NCAM1: variants seen among roughly 807,000 people sequenced by gnomAD.
NCAM1 encodes the protein antigen recognized by monoclonal antibody 5.1H11.
NCAM1 carries 14 observed loss-of-function variants against 109.8 expected under a neutral mutation model. That is an observed-to-expected ratio of 0.13 (90% CI 0.08 to 0.20). The LOEUF (loss-of-function observed/expected upper bound fraction) is 0.20, where lower values mean the gene tolerates loss of function less well. Among genes scored for constraint, NCAM1 ranks in the 10% least tolerant of loss-of-function variants. The pLI, the probability that NCAM1 is intolerant of heterozygous loss-of-function variation, is 1.00. For missense variants in NCAM1, 774 were observed against 1,109.9 expected (o/e 0.70, Z 4.30); for synonymous variants, 418 against 442.9 (o/e 0.94, Z 0.70).
intron 2 of NCAM1, among the ~76,000 whole-genome samples, chr11:113,203,383 T>C (rs1944132896): frequency 1.3e-5 from 2 of 152,214 alleles, no homozygotes; most frequent in African/African-American, 2.4e-5. Context: ...ATTGAAAACA[T>C]GATGGGCCCT....
intron 16 of NCAM1, among the ~76,000 whole-genome samples, chr11:113,257,028 C>G (rs1945851153): frequency 6.6e-6 from 1 of 152,320 alleles, no homozygotes; most frequent in Middle Eastern, 3.4e-3. Context: ...GCACAGAGCC[C>G]CGCAGGCATA....
At chr11:113,242,189 A>T (rs1356260015) in intron 14 of NCAM1, among the ~76,000 whole-genome samples, 2 of 152,254 alleles carry the variant, frequency 1.3e-5, no homozygotes, top group African/African-American at 4.8e-5. Context: ...AACACAAAAC[A>T]TACTGCTCAG....
At chr11:113,163,870 T>A (rs1162769646) in intron 1 of NCAM1, among the ~76,000 whole-genome samples, 3 of 151,842 alleles carry the variant, frequency 2.0e-5, no homozygotes, top group Admixed American at 6.6e-5. Context: ...GAGTATGCAG[T>A]GAAGGGGAGA....
rs941603935 is a variant in NCAM1, at chr11:113,276,578, C to G, written c.*1191C>G. The G allele has an allele frequency of 6.6e-6, 1 of 152,560 alleles. No individual in the cohort carries two copies. Among genetic ancestry groups the G allele is most frequent in the African/African-American group, 2.4e-5 (1 of 41,410 alleles). The allele number at this position is 152,560 out of a possible 1,614,324, so 9.5% of individuals were successfully genotyped here. A position where few individuals can be genotyped will look rare whatever the true frequency, so the allele number is the denominator to read the frequency against. On this transcript the variant is annotated 3_prime_UTR_variant, in exon 20 of 20. Coordinates refer to ENST00000316851, the MANE Select transcript of NCAM1 (RefSeq NM_181351.5). ...CACACATCCCCTTTGTGTAGAAAGC[C>G]AAATAAAATCTATACATACCATTTC...
At chr11:113,170,063 T>G (rs1184431588) in intron 1 of NCAM1, among the ~76,000 whole-genome samples, 6 of 152,184 alleles carry the variant, frequency 3.9e-5, no homozygotes, top group African/African-American at 1.4e-4. Context: ...TTCTTGCAAA[T>G]TATATTTATA....
At chr11:113,185,079 T>TATATATATATATAGAGAGAGAGAG in intron 1 of NCAM1, among the ~76,000 whole-genome samples, 156 of 125,650 alleles carry the variant, frequency 1.2e-3, no homozygotes, top group Non-Finnish European at 1.9e-3. Context: ...TATATATATA[T>TATATATATATATAGAGAGAGAGAG]AGAGAGAGAG....
chr11:113,240,973 T>A (rs1197071378), intron 14 of NCAM1: 1 of 867,696 alleles, frequency 1.2e-6, no homozygotes, highest in East Asian at 2.4e-5. Context: ...AGAGGAGCAG[T>A]TGAGAAGAGA....
At chr11:113,242,246 A>T (rs1945349854) in intron 14 of NCAM1, among the ~76,000 whole-genome samples, 1 of 152,262 alleles carries the variant, frequency 6.6e-6, no homozygotes, top group South Asian at 2.1e-4. Flanking sequence ...GAGTTATGTT[A>T]TCTCTTGCTG....
intron 7 of NCAM1, among the ~76,000 whole-genome samples, chr11:113,210,770 TCACAAACA>T (rs1309687917): frequency 8.6e-5 from 7 of 81,530 alleles, no homozygotes; most frequent in African/African-American, 1.8e-4. Context: ...CCCCTCTTCA[TCACAAACA>T]CACACACACA....
intron 1 of NCAM1, among the ~76,000 whole-genome samples, chr11:113,167,163 A>G (rs1942831336): frequency 6.6e-6 from 1 of 152,250 alleles, no homozygotes. Context: ...CCGATCTGCC[A>G]GTGTGAAGAA....
In NCAM1 at chr11:113,275,356, C is replaced by T. The variant is rs1555126362; in HGVS notation, c.2546C>T (p.Thr849Ile). The T allele has an allele frequency of 6.2e-7, 1 of 1,613,292 alleles. No individual in the cohort carries two copies. Among genetic ancestry groups the T allele is most frequent in the African/African-American group, 1.3e-5 (1 of 74,870 alleles). The change falls in exon 20 of 20, where the codon ACA becomes ATA. Residue 849 changes from threonine (T) to isoleucine (I), a missense_variant. Physicochemically the swap from Thr to Ile is moderately conservative, Grantham distance 89. Transcript: ENST00000316851. ...AEVKTVPNDA[T>I]QTKENESKA is the part of the protein sequence containing the mutation. Reference sequence around the variant, plus strand: ...GTCAAGACGGTCCCCAATGACGCCACACAGACAAAGGAGAACGAGAGCAAA... The same window carrying T: ...GTCAAGACGGTCCCCAATGACGCCATACAGACAAAGGAGAACGAGAGCAAA...
rs782467385 is a variant in NCAM1 at position 113,270,170 on chromosome 11, A to G, written c.2132-18A>G. On this transcript the variant is annotated intron_variant, in intron 17 of 19. Coordinates refer to ENST00000316851, the MANE Select transcript of NCAM1 (RefSeq NM_181351.5). The stretch of plus-strand genomic sequence containing the variant: ...CATCTCAGTCTGTTAACCACCAGCC[A>G]TCTCTCTCCCACTCAAGCCAACGGC... The G allele has an allele frequency of 2.4e-5, 39 of 1,613,204 alleles. 1 individual carries two copies. The highest frequency in any genetic ancestry group is 2.9e-5 in the Non-Finnish European group (34 of 1,179,576).
At chr11:113,058,956 A>AT (rs1953819210) in intron 1 of NCAM1, among the ~76,000 whole-genome samples, 1 of 152,096 alleles carries the variant, frequency 6.6e-6, no homozygotes, top group South Asian at 2.1e-4. Flanking sequence ...GTTATTGGCT[A>AT]TTTTTTTCTA....
intron 1 of NCAM1, among the ~76,000 whole-genome samples, chr11:113,059,373 T>C: frequency 6.6e-6 from 1 of 152,324 alleles, no homozygotes; most frequent in East Asian, 1.9e-4. Context: ...CCTCCTGTTG[T>C]TGTGAATCAG....
At chr11:113,263,859 C>T (rs1410447717) in intron 17 of NCAM1, 2 of 985,554 alleles carry the variant, frequency 2.0e-6, no homozygotes, top group South Asian at 4.7e-5. Context: ...GAGGGACAGG[C>T]CACTCCCAGA....
chr11:113,110,576 G>T (rs574572210), intron 1 of NCAM1, among the ~76,000 whole-genome samples: 1 of 152,248 alleles, frequency 6.6e-6, no homozygotes, highest in East Asian at 1.9e-4. Flanking sequence ...CTAAAGGATC[G>T]CTGGGTTCTA....
chr11:113,163,274 CA>C (rs1263119141), intron 1 of NCAM1, among the ~76,000 whole-genome samples: 4 of 152,138 alleles, frequency 2.6e-5, no homozygotes, highest in Non-Finnish European at 5.9e-5. Flanking sequence ...ATAAATACCG[CA>C]AAAGTGCTGA....
chr11:113,096,142 G>C (rs1939586377), intron 1 of NCAM1, among the ~76,000 whole-genome samples: 2 of 152,142 alleles, frequency 1.3e-5, no homozygotes, highest in Non-Finnish European at 2.9e-5. Flanking sequence ...GGATGGCCTG[G>C]CTTGGGATAG....
intron 14 of NCAM1, chr11:113,243,515 G>A (rs1555119514): frequency 1.9e-6 from 1 of 515,754 alleles, no homozygotes. Flanking sequence ...TGACAATAGA[G>A]TCAAGAGCCA....
Sources: gnomAD v4.1 joint callset for allele counts (sites outside exome capture counted in the v4.1 genomes callset) on GRCh38, gnomAD v4.1.1 for gene constraint, MANE v1.5 for transcripts, NCBI Gene and HGNC (gene_info 2026-07-23, HGNC 2026-07-21) for gene names.